The following TMOD3 variants were observed in gnomAD, a reference collection of about 807,000 sequenced individuals.
The protein encoded by TMOD3 is tropomodulin-3.
Under a neutral mutation model 39.2 loss-of-function variants are expected in TMOD3, and 20 were observed. The observed-to-expected ratio is 0.51, with a 90% CI of 0.36 to 0.74. TMOD3 has a LOEUF of 0.74. Among genes scored for constraint, TMOD3 ranks in the 30% least tolerant of loss-of-function variants. TMOD3 has a pLI of 0.00. For missense variants in TMOD3, 381 were observed against 412.8 expected (o/e 0.92, Z 0.67); for synonymous variants, 143 against 145.8 (o/e 0.98, Z 0.14).
At chr15:51,877,929 A>G (rs1200533777) in intron 3 of TMOD3, among the ~76,000 whole-genome samples, 3 of 151,918 alleles carry the variant, frequency 2.0e-5, no homozygotes, top group Non-Finnish European at 4.4e-5. Context: ...AGTTCCTCAC[A>G]TACATGTACC....
chr15:51,889,273 T>C, intron 5 of TMOD3, 128 bp downstream of exon 5: 1 of 621,810 alleles, frequency 1.6e-6, no homozygotes, highest in Non-Finnish European at 2.8e-6. Context: ...CATTTCAGTT[T>C]GGTGGTATTA....
intron 1 of TMOD3, among the ~76,000 whole-genome samples, chr15:51,845,485 C>T (rs1298778796): frequency 6.6e-6 from 1 of 152,198 alleles, no homozygotes; most frequent in Non-Finnish European, 1.5e-5. Context: ...CAGCCAGGCA[C>T]AGTGGCTCAC....
intron 9 of TMOD3, among the ~76,000 whole-genome samples, chr15:51,906,506 G>C (rs1255125771): frequency 6.6e-6 from 1 of 152,210 alleles, no homozygotes; most frequent in Admixed American, 6.5e-5. Flanking sequence ...TAACAGCAAA[G>C]AGGTTCTATG....
At chr15:51,853,374 G>A (rs1223639811) in intron 1 of TMOD3, among the ~76,000 whole-genome samples, 1 of 151,986 alleles carries the variant, frequency 6.6e-6, no homozygotes, top group Non-Finnish European at 1.5e-5. Context: ...CTAGTTTTTT[G>A]TATTTTGTAG....
intron 1 of TMOD3, among the ~76,000 whole-genome samples, chr15:51,853,951 G>A (rs2056375675): frequency 6.6e-6 from 1 of 152,120 alleles, no homozygotes; most frequent in East Asian, 1.9e-4. Flanking sequence ...AGAGGTAGAT[G>A]GGAATGAATG....
At chr15:51,894,932 A>G (rs938477544) in intron 6 of TMOD3, among the ~76,000 whole-genome samples, 2 of 152,190 alleles carry the variant, frequency 1.3e-5, no homozygotes, top group African/African-American at 4.8e-5. Flanking sequence ...AAACAATGCA[A>G]CTCTTCCTTG....
At chr15:51,835,706 T>C (rs1331206758) in intron 1 of TMOD3, among the ~76,000 whole-genome samples, 1 of 151,478 alleles carries the variant, frequency 6.6e-6, no homozygotes, top group Non-Finnish European at 1.5e-5. Context: ...AGTTTGGTTA[T>C]TTTTTTCTTC....
At position 51,862,901 on chromosome 15, in the gene TMOD3, G is replaced by C; in HGVS notation, c.17G>C (p.Arg6Pro). The C allele has an allele frequency of 6.2e-7, 1 of 1,613,460 alleles. No homozygotes were observed. The stretch of plus-strand genomic sequence containing the variant: ...CTGCACATCATGGCACTGCCATTCC[G>C]TAAGGACTTAGAAAAGTACAAAGAC... MALPF[R>P]KDLEKYKDLD... Residue 6 changes from arginine (R) to proline (P), a missense_variant, in exon 2 of 10, where the codon CGT (arginine) becomes CCT (proline). Coordinates refer to ENST00000308580, the MANE Select transcript of TMOD3 (RefSeq NM_014547.5).
Position 51,914,042 on chromosome 15 carries a change from C to T in TMOD3, c.*5232C>T, listed in dbSNP as rs949321085. ...AAAAAAAAAAAAAAAAAGAGCTATACTCATAGTACTTTGGGAGACCAAGCA... is the reference window on the plus strand; with the variant it reads ...AAAAAAAAAAAAAAAAAGAGCTATATTCATAGTACTTTGGGAGACCAAGCA... On this transcript the variant is annotated 3_prime_UTR_variant, in exon 10 of 10. Transcript: ENST00000308580. 1.4e-5 allele frequency: 2 copies of T among 145,552 alleles called. No homozygotes were observed. Among genetic ancestry groups the T allele is most frequent in the African/African-American group, 5.0e-5 (2 of 39,726 alleles). 9.0% of individuals were successfully genotyped at this position (145,552 alleles called of 1,614,324 possible). A position where few individuals can be genotyped will look rare whatever the true frequency, so the allele number is the denominator to read the frequency against.
At chr15:51,871,218 A>T (rs144627582) in intron 3 of TMOD3, among the ~76,000 whole-genome samples, 1 of 152,210 alleles carries the variant, frequency 6.6e-6, no homozygotes, top group Admixed American at 6.5e-5. Context: ...TTCAAAACCA[A>T]TGCAGAGTTT....
intron 1 of TMOD3, chr15:51,860,041 A>T (rs1437407691): frequency 3.8e-6 from 2 of 532,434 alleles, no homozygotes; most frequent in Admixed American, 1.9e-5. Context: ...CTGCCTCTTC[A>T]TATACGGCAC....
chr15:51,869,048 GT>G (rs1370387520), intron 2 of TMOD3, among the ~76,000 whole-genome samples, 168 bp from the exon 3 acceptor site: 2 of 152,170 alleles, frequency 1.3e-5, no homozygotes. Context: ...TAAAAAAGAA[GT>G]TTAATGTTTG....
intron 1 of TMOD3, among the ~76,000 whole-genome samples, chr15:51,846,325 A>G (rs1029242823): frequency 6.6e-6 from 1 of 152,044 alleles, no homozygotes; most frequent in Non-Finnish European, 1.5e-5. Flanking sequence ...GCTCAAAACA[A>G]AACAAAACAA....
chr15:51,905,485 TAA>T (rs537106014), intron 9 of TMOD3, among the ~76,000 whole-genome samples: 7 of 138,908 alleles, frequency 5.0e-5, no homozygotes, highest in South Asian at 2.2e-4. Flanking sequence ...AGACTTTGTC[TAA>T]AAAAAAAAAA....
At chr15:51,860,686 A>G in intron 1 of TMOD3, 1 of 467,700 alleles carries the variant, frequency 2.1e-6, no homozygotes, top group Non-Finnish European at 4.2e-6. Context: ...CTGTAGTCCC[A>G]GCACTTTGGG....
intron 8 of TMOD3, chr15:51,901,005 T>C (rs1901286197): frequency 6.6e-6 from 1 of 152,232 alleles, no homozygotes; most frequent in Non-Finnish European, 1.5e-5. Flanking sequence ...TCACTCCCCA[T>C]TCACCCCTCT....
In TMOD3 at chr15:51,855,856, G is replaced by A. The variant is rs185168004; in HGVS notation, c.-74-6955G>A. On this transcript the variant is annotated intron_variant, in intron 1 of 9. Coordinates refer to ENST00000308580, the MANE Select transcript of TMOD3 (RefSeq NM_014547.5). ...CCTAAGCAGTTTCTGAGCTCCTGCTGGCACTTGGAACATTGTCAGTATACA... is the reference window on the plus strand; with the variant it reads ...CCTAAGCAGTTTCTGAGCTCCTGCTAGCACTTGGAACATTGTCAGTATACA... 3.3e-5 allele frequency among the ~76,000 whole-genome samples: 5 copies of A among 152,326 alleles called. No individual in the cohort carries two copies. The East Asian group carries it at 9.6e-4, about 29-fold the overall frequency.
At chr15:51,830,726 C>G (rs911878171) in intron 1 of TMOD3, among the ~76,000 whole-genome samples, 4 of 152,212 alleles carry the variant, frequency 2.6e-5, no homozygotes, top group Non-Finnish European at 4.4e-5. Flanking sequence ...CATGTCTCCT[C>G]TCCTTTTCTG....
In TMOD3 at chr15:51,839,163, C is replaced by CTTTTT. The variant is rs111813783; in HGVS notation, c.-75+9328_-75+9329insTTTTT. Among the ~76,000 whole-genome samples, 42 of 109,830 alleles carry CTTTTT rather than the reference C, an allele frequency of 3.8e-4. 2 individuals carry two copies. Among genetic ancestry groups the CTTTTT allele is most frequent in the East Asian group, 5.4e-4 (2 of 3,674 alleles). 72.1% of individuals were successfully genotyped at this position (109,830 alleles called of 152,430 possible). Reference sequence around the variant, plus strand: ...TGACAGCTAAGAAATAGGTGTATCTCTCTTTTTTTTTTTTTCCATTTTGTT... The same window carrying CTTTTT: ...TGACAGCTAAGAAATAGGTGTATCTCTTTTTTCTTTTTTTTTTTTTCCATTTTGTT... On this transcript the variant is annotated intron_variant, in intron 1 of 9. Coordinates refer to ENST00000308580, the MANE Select transcript of TMOD3 (RefSeq NM_014547.5).
Sources: gnomAD v4.1 joint callset for allele counts (sites outside exome capture counted in the v4.1 genomes callset) on GRCh38, gnomAD v4.1.1 for gene constraint, MANE v1.5 for transcripts, NCBI Gene and HGNC (gene_info 2026-07-23, HGNC 2026-07-21) for gene names.